Variants in SRGAP2B observed in about 807,000 individuals in gnomAD.
SRGAP2B encodes SLIT-ROBO Rho GTPase-activating protein 2B.
A neutral mutation model predicts 22.2 loss-of-function variants in SRGAP2B; 9 were observed. That is an observed-to-expected ratio of 0.41 (90% CI 0.24 to 0.71). SRGAP2B has a LOEUF of 0.71. Among genes scored for constraint, SRGAP2B ranks in the 30% least tolerant of loss-of-function variants. SRGAP2B has a pLI of 0.35. For synonymous variants in SRGAP2B, 36 were observed against 87.4 expected (o/e 0.41, Z 3.28); for missense variants, 114 against 235.8 (o/e 0.48, Z 3.38).
chr1:144,980,986 C>T (rs1352921245), intron 3 of SRGAP2B, among the ~76,000 whole-genome samples: 1 of 143,984 alleles, frequency 6.9e-6, no homozygotes, highest in African/African-American at 2.6e-5. Flanking sequence ...AAATGGGGTG[C>T]TATTTTTAAA....
intron 3 of SRGAP2B, among the ~76,000 whole-genome samples, chr1:144,979,914 T>C (rs1669194385): frequency 1.3e-5 from 2 of 151,240 alleles, no homozygotes; most frequent in South Asian, 2.1e-4. Context: ...CAGGTATTTA[T>C]TTACAGCATC....
intron 4 of SRGAP2B, among the ~76,000 whole-genome samples, chr1:144,915,842 A>C (rs1185196288): frequency 8.0e-5 from 12 of 150,606 alleles, no homozygotes; most frequent in African/African-American, 2.5e-5. Flanking sequence ...GATTGGCAGC[A>C]TGGGTCATTG....
intron 3 of SRGAP2B, among the ~76,000 whole-genome samples, chr1:144,971,208 G>A (rs1256233648): frequency 4.1e-5 from 6 of 146,132 alleles, no homozygotes; most frequent in Non-Finnish European, 7.4e-5. Context: ...TCGGCTCACC[G>A]CAACCTCCGC....
chr1:145,002,261 G>A (rs587737181), intron 2 of SRGAP2B, among the ~76,000 whole-genome samples: 8 of 60,258 alleles, frequency 1.3e-4, no homozygotes, highest in Admixed American at 2.1e-4. Context: ...TCTTGCTACC[G>A]TGAGTGGAAA....
intron 3 of SRGAP2B, among the ~76,000 whole-genome samples, chr1:144,984,196 T>A (rs1243529100): frequency 6.7e-6 from 1 of 150,300 alleles, no homozygotes; most frequent in African/African-American, 2.5e-5. Flanking sequence ...GGCGCATGCC[T>A]GTAATCCCAG....
chr1:144,907,690 T>A (rs1319883810), intron 5 of SRGAP2B, among the ~76,000 whole-genome samples: 1 of 149,996 alleles, frequency 6.7e-6, no homozygotes, highest in Non-Finnish European at 1.5e-5. Flanking sequence ...CTGCTGAACA[T>A]CCCATGCACA....
At chr1:144,944,727 T>A (rs6143585) in intron 4 of SRGAP2B, among the ~76,000 whole-genome samples, 1,150 of 120,460 alleles carry the variant, frequency 9.5e-3, no homozygotes, top group African/African-American at 0.043. Flanking sequence ...TTATTTATTT[T>A]TTGAGATGGA....
At chr1:144,923,260 C>A (rs1664384623) in intron 4 of SRGAP2B, among the ~76,000 whole-genome samples, 1 of 150,984 alleles carries the variant, frequency 6.6e-6, no homozygotes, top group Non-Finnish European at 1.5e-5. Flanking sequence ...TCTAAGCTTT[C>A]ATTTCTTAAA....
chr1:145,084,118 G>A (rs1653163078), intron 2 of SRGAP2B, among the ~76,000 whole-genome samples: 1 of 133,650 alleles, frequency 7.5e-6, no homozygotes, highest in Admixed American at 7.6e-5. Context: ...TTGTTGCCCA[G>A]GCTGGAGTGC....
intron 4 of SRGAP2B, among the ~76,000 whole-genome samples, chr1:144,922,928 TG>T (rs1343874743): frequency 1.3e-5 from 2 of 151,252 alleles, no homozygotes; most frequent in Non-Finnish European, 2.9e-5. Context: ...CTAGTGGCCC[TG>T]GGAGGAAATC....
At chr1:145,008,857 AC>A (rs1553621607) in intron 2 of SRGAP2B, among the ~76,000 whole-genome samples, 2 of 145,238 alleles carry the variant, frequency 1.4e-5, no homozygotes, top group Non-Finnish European at 3.0e-5. Flanking sequence ...GTTTAAAAAA[AC>A]AAAACAAAAC....
At chr1:144,947,581 C>CT (rs1319906003) in intron 4 of SRGAP2B, among the ~76,000 whole-genome samples, 3 of 148,762 alleles carry the variant, frequency 2.0e-5, no homozygotes, top group Non-Finnish European at 4.4e-5. Flanking sequence ...CCTCAGCACT[C>CT]TTCTTGCATT....
chr1:144,902,858 G>A (rs1389704820), intron 7 of SRGAP2B, among the ~76,000 whole-genome samples: 1 of 99,692 alleles, frequency 1.0e-5, no homozygotes, highest in Non-Finnish European at 1.9e-5. Flanking sequence ...AAGTACTAAG[G>A]CAGCCTCTTT....
chr1:145,006,675 G>A (rs1413835576), intron 2 of SRGAP2B, among the ~76,000 whole-genome samples: 33 of 150,964 alleles, frequency 2.2e-4, no homozygotes, highest in Non-Finnish European at 3.7e-4. Context: ...TATAAGAACT[G>A]ATTTAGTTGA....
At chr1:144,915,778 T>C (rs1339462039) in intron 4 of SRGAP2B, among the ~76,000 whole-genome samples, 2 of 150,338 alleles carry the variant, frequency 1.3e-5, no homozygotes, top group African/African-American at 5.0e-5. Flanking sequence ...AGGAAGGAAA[T>C]TGTCACACCT....
At chr1:144,929,567 A>G (rs1312593447) in intron 4 of SRGAP2B, among the ~76,000 whole-genome samples, 2 of 150,722 alleles carry the variant, frequency 1.3e-5, no homozygotes, top group Non-Finnish European at 2.9e-5. Flanking sequence ...TAACACCATT[A>G]CTAGGATCTC....
In SRGAP2B at chr1:145,020,431, TA is replaced by T. The variant is rs782440915; in HGVS notation, c.68-25232del. On this transcript the variant is annotated intron_variant, in intron 2 of 9. Coordinates refer to ENST00000612199, the Ensembl canonical transcript of SRGAP2B. ...AAGAGAGAGAGAGACCTTGTCTCTT[TA>T]AAAAAAAAAAAAAAAAAAAAGGTAG... Among the ~76,000 whole-genome samples the T allele has an allele frequency of 6.7e-3, 544 of 81,308 alleles. 1 individual carries two copies. The highest frequency in any genetic ancestry group is 0.014 in the African/African-American group (280 of 19,634). 53.3% of individuals were successfully genotyped at this position (81,308 alleles called of 152,430 possible). A position where few individuals can be genotyped will look rare whatever the true frequency, so the allele number is the denominator to read the frequency against.
chr1:144,994,479 G>C (rs1340473819), intron 3 of SRGAP2B, among the ~76,000 whole-genome samples: 1 of 137,360 alleles, frequency 7.3e-6, no homozygotes, highest in Non-Finnish European at 1.5e-5. Flanking sequence ...AGACAGTTTG[G>C]TGAAATGGTT....
intron 7 of SRGAP2B, among the ~76,000 whole-genome samples, chr1:144,902,983 C>T (rs1449976825): frequency 1.0e-4 from 5 of 48,682 alleles, no homozygotes; most frequent in African/African-American, 3.7e-4. Context: ...GATTTTAAAA[C>T]GCTTGGTTAT....
Sources: gnomAD v4.1 joint callset for allele counts (sites outside exome capture counted in the v4.1 genomes callset) on GRCh38, gnomAD v4.1.1 for gene constraint, MANE v1.5 for transcripts, NCBI Gene and HGNC (gene_info 2026-07-23, HGNC 2026-07-21) for gene names.